The following C1GALT1 variants were observed in gnomAD, a reference collection of about 807,000 sequenced individuals.
C1GALT1 encodes the protein glycoprotein-N-acetylgalactosamine 3-beta-galactosyltransferase 1.
C1GALT1 carries 11 observed loss-of-function variants against 31.0 expected under a neutral mutation model. The ratio of observed to expected loss-of-function variants is 0.36; its 90% CI spans 0.22 to 0.59. The LOEUF is 0.59. Among genes scored for constraint, C1GALT1 ranks in the 20% least tolerant of loss-of-function variants. C1GALT1 has a pLI of 0.79. For synonymous variants in C1GALT1, 175 were observed against 143.6 expected (o/e 1.22, Z -1.56); for missense variants, 424 against 425.2 (o/e 1.00, Z 0.03).
chr7:7,211,392 T>A (rs1392857838), intron 1 of C1GALT1, among the ~76,000 whole-genome samples: 1 of 152,178 alleles, frequency 6.6e-6, no homozygotes, highest in African/African-American at 2.4e-5. Flanking sequence ...TTACTAGAGG[T>A]GTTAATCACC....
At chr7:7,239,744 T>C (rs1200891680) in intron 3 of C1GALT1, among the ~76,000 whole-genome samples, 4 of 109,120 alleles carry the variant, frequency 3.7e-5, no homozygotes, top group African/African-American at 1.1e-4. Context: ...ACTTATCCCC[T>C]GTCTTTACCA....
At position 7,238,186 on chromosome 7, in the gene C1GALT1, C is replaced by A; in HGVS notation, c.221-69C>A. ...TTTGAAATTAGGACAGTGCTTTCTT[C>A]AGTATAATTTATTAATATTTGGATT... On this transcript the variant is annotated intron_variant, in intron 2 of 3. Coordinates refer to ENST00000436587, the MANE Select transcript of C1GALT1 (RefSeq NM_020156.5). This position sits in a 1 kb window ranked among gnomAD's most constrained non-coding sequence, Gnocchi z 5.2. 1 of 1,365,284 alleles carries A rather than the reference C, an allele frequency of 7.3e-7. No homozygotes were observed. The highest frequency in any genetic ancestry group is 9.9e-7 in the Non-Finnish European group (1 of 1,008,042). 84.6% of individuals were successfully genotyped at this position (1,365,284 alleles called of 1,614,324 possible). A position where few individuals can be genotyped will look rare whatever the true frequency, so the allele number is the denominator to read the frequency against.
intron 1 of C1GALT1, among the ~76,000 whole-genome samples, chr7:7,225,724 C>T (rs569502395): frequency 6.6e-6 from 1 of 152,282 alleles, no homozygotes; most frequent in South Asian, 2.1e-4. Context: ...TCCAATCTCT[C>T]AGCAAACATT....
At chr7:7,209,846 GGGGT>G (rs1781912180) in intron 1 of C1GALT1, among the ~76,000 whole-genome samples, 1 of 152,186 alleles carries the variant, frequency 6.6e-6, no homozygotes, top group Admixed American at 6.5e-5. Context: ...GAAGGGAGAT[GGGGT>G]GGGGCCGTTT....
chr7:7,233,257 T>C (rs953904304), intron 1 of C1GALT1, among the ~76,000 whole-genome samples: 1 of 152,058 alleles, frequency 6.6e-6, no homozygotes, highest in Admixed American at 6.5e-5. Flanking sequence ...AGAGCAGAGG[T>C]CAGCAAACTT....
At chr7:7,231,967 T>G (rs73674696) in intron 1 of C1GALT1, among the ~76,000 whole-genome samples, 271 of 152,328 alleles carry the variant, frequency 1.8e-3, no homozygotes, top group African/African-American at 6.3e-3. Flanking sequence ...ATTCTCAGAT[T>G]GTAGCCTTTC....
chr7:7,211,762 A>T (rs1201914870), intron 1 of C1GALT1, among the ~76,000 whole-genome samples: 1 of 152,190 alleles, frequency 6.6e-6, no homozygotes. Flanking sequence ...TTGCAGGATA[A>T]TTTCCCACAA....
At chr7:7,187,989 T>TAG in intron 1 of C1GALT1, among the ~76,000 whole-genome samples, 1 of 145,422 alleles carries the variant, frequency 6.9e-6, no homozygotes. Context: ...CTTTTCATTT[T>TAG]AGAGAGCTCA....
At chr7:7,202,562 T>A (rs1781568400) in intron 1 of C1GALT1, among the ~76,000 whole-genome samples, 1 of 152,214 alleles carries the variant, frequency 6.6e-6, no homozygotes, top group Non-Finnish European at 1.5e-5. Context: ...TCCTCTGAAT[T>A]CTTTATTTCA....
At chr7:7,181,403 C>G (rs1780585530), upstream of C1GALT1, among the ~76,000 whole-genome samples, 2 of 152,176 alleles carry the variant, frequency 1.3e-5, no homozygotes, top group Non-Finnish European at 2.9e-5. Flanking sequence ...GATAGCTGCA[C>G]TTCTCTTCTA....
intron 1 of C1GALT1, among the ~76,000 whole-genome samples, chr7:7,222,363 G>A (rs1331836882): frequency 6.6e-6 from 1 of 152,110 alleles, no homozygotes; most frequent in Non-Finnish European, 1.5e-5. Flanking sequence ...GAGAGACTTC[G>A]TCCAGGAAAG....
chr7:7,171,491 G>A (rs958141875), intron 2 of C1GALT1, among the ~76,000 whole-genome samples: 1 of 151,954 alleles, frequency 6.6e-6, no homozygotes, highest in African/African-American at 2.4e-5. Context: ...ACCTATTTGT[G>A]TCGTTAAATC....
At chr7:7,185,292 T>C (rs1452418436) in intron 1 of C1GALT1, among the ~76,000 whole-genome samples, 1 of 152,174 alleles carries the variant, frequency 6.6e-6, no homozygotes, top group African/African-American at 2.4e-5. Context: ...TTAAAGCACA[T>C]TTAAACGGCT....
chr7:7,222,084 A>G (rs994092281), intron 1 of C1GALT1, among the ~76,000 whole-genome samples: 3 of 152,164 alleles, frequency 2.0e-5, no homozygotes, highest in African/African-American at 2.4e-5. Flanking sequence ...AAGGTTTTCC[A>G]TAGAATACTT....
intron 1 of C1GALT1, among the ~76,000 whole-genome samples, chr7:7,194,229 A>T (rs1019942782): frequency 1.3e-5 from 2 of 152,060 alleles, no homozygotes; most frequent in Admixed American, 1.3e-4. Flanking sequence ...AAGTAGTGAG[A>T]CTGGGCATCC....
At chr7:7,239,217 C>T (rs145698898) in intron 3 of C1GALT1, among the ~76,000 whole-genome samples, 2,113 of 152,234 alleles carry the variant, frequency 0.014, 47 homozygotes, top group African/African-American at 0.048. Flanking sequence ...AGGAGATATA[C>T]AGTAAACAGG....
intron 1 of C1GALT1, among the ~76,000 whole-genome samples, chr7:7,220,801 C>T (rs1340443804): frequency 1.3e-5 from 2 of 152,112 alleles, no homozygotes; most frequent in South Asian, 2.1e-4. Context: ...ATTACAGGTG[C>T]GCCCAGCCCA....
At chr7:7,234,156 C>T (rs1221260098) in intron 1 of C1GALT1, 147 bp from the exon 2 acceptor site, 4 of 632,876 alleles carry the variant, frequency 6.3e-6, no homozygotes, top group Non-Finnish European at 5.5e-6. Context: ...GCTGTTTTAG[C>T]AGCAAATAGA....
At chr7:7,193,533 G>C (rs1430280663) in intron 1 of C1GALT1, among the ~76,000 whole-genome samples, 1 of 152,162 alleles carries the variant, frequency 6.6e-6, no homozygotes, top group African/African-American at 2.4e-5. Flanking sequence ...TTTTATACCA[G>C]TACCATGCTG....
Sources: allele counts gnomAD v4.1 joint callset (sites outside exome capture counted in the v4.1 genomes callset), GRCh38; gene constraint gnomAD v4.1.1; non-coding constraint Gnocchi (gnomAD v3.1); transcripts MANE v1.5; gene names NCBI Gene and HGNC (gene_info 2026-07-23, HGNC 2026-07-21).